The following CGNL1 variants were observed in gnomAD, a reference collection of about 807,000 sequenced individuals.
The protein encoded by CGNL1 is cingulin-like protein 1.
Under a neutral mutation model 141.2 loss-of-function variants are expected in CGNL1, and 132 were observed. The ratio of observed to expected loss-of-function variants is 0.93; its 90% CI spans 0.81 to 1.08. The LOEUF is 1.08. Ranked by LOEUF, CGNL1 falls within the 50% of genes least tolerant of loss-of-function variation. The pLI is 0.00. For missense variants in CGNL1, 1,870 were observed against 1,588.6 expected (o/e 1.18, Z -3.01); for synonymous variants, 690 against 622.1 (o/e 1.11, Z -1.63).
At chr15:57,497,710 G>T (rs1424408416) in intron 8 of CGNL1, among the ~76,000 whole-genome samples, 1 of 152,228 alleles carries the variant, frequency 6.6e-6, no homozygotes, top group African/African-American at 2.4e-5. Context: ...CAGGCCCTGC[G>T]GAATCTGGAA....
At chr15:57,465,130 C>T (rs1175741327) in intron 8 of CGNL1, among the ~76,000 whole-genome samples, 2 of 152,016 alleles carry the variant, frequency 1.3e-5, no homozygotes, top group Non-Finnish European at 1.5e-5. Context: ...GGCTGCTTAA[C>T]AAATGTGATA....
intron 8 of CGNL1, among the ~76,000 whole-genome samples, chr15:57,480,183 C>T (rs760651030): frequency 7.0e-5 from 10 of 143,356 alleles, no homozygotes; most frequent in East Asian, 2.2e-4. Flanking sequence ...TTTTATACCT[C>T]TTATTTCTAG....
At position 57,438,504 on chromosome 15, in the gene CGNL1, C is replaced by T; in HGVS notation, c.505C>T (p.Pro169Ser). 1.2e-6 allele frequency: 2 copies of T among 1,614,136 alleles called. No individual in the cohort carries two copies. The highest frequency in any genetic ancestry group is 1.6e-4 in the Middle Eastern group (1 of 6,062). Reference protein sequence around the residue: ...KNELNLQNHQPSESNWLKTLT... With the variant: ...KNELNLQNHQSSESNWLKTLT... Reference sequence around the variant, plus strand: ...TGAGTTGAATTTACAAAATCACCAGCCTTCTGAGAGTAATTGGCTAAAAAC... The same window carrying T: ...TGAGTTGAATTTACAAAATCACCAGTCTTCTGAGAGTAATTGGCTAAAAAC... The change falls in exon 2 of 19, where the codon CCT becomes TCT. Residue 169 changes from proline to serine, a missense_variant. By Grantham distance (74) the Pro-to-Ser change is moderately conservative. Coordinates refer to ENST00000281282, the MANE Select transcript of CGNL1 (RefSeq NM_032866.5).
chr15:57,433,472 C>A (rs1427116239), intron 1 of CGNL1, among the ~76,000 whole-genome samples: 1 of 152,182 alleles, frequency 6.6e-6, no homozygotes, highest in Non-Finnish European at 1.5e-5. Flanking sequence ...CAGGGGTGAT[C>A]CCCGGGCTGG....
At chr15:57,424,888 A>G (rs2062956060) in intron 1 of CGNL1, among the ~76,000 whole-genome samples, 1 of 152,216 alleles carries the variant, frequency 6.6e-6, no homozygotes, top group Non-Finnish European at 1.5e-5. Context: ...TTTCAGCAAA[A>G]TGATCATCCT....
intron 1 of CGNL1, among the ~76,000 whole-genome samples, chr15:57,383,485 A>G (rs181279649): frequency 4.7e-4 from 72 of 151,916 alleles, no homozygotes; most frequent in African/African-American, 1.7e-3. Context: ...TTTTTAGTAG[A>G]GATGGGGTTT....
At position 57,543,747 on chromosome 15, in the gene CGNL1, T is replaced by C. The variant is rs1193327811; in HGVS notation, c.3343T>C (p.Leu1115=). Reference sequence around the variant, plus strand: ...TCAGGAGAGAGCTGCGAGACAAGACTTGGAGTGCGACAAGATTTCCCTGGA... The same window carrying C: ...TCAGGAGAGAGCTGCGAGACAAGACCTGGAGTGCGACAAGATTTCCCTGGA... ...LLQERAARQD[L]ECDKISLERQ... is the part of the protein sequence containing the mutation. Residue 1115 remains leucine (L), a synonymous_variant, in exon 15 of 19, where the codon TTG becomes CTG. Transcript: ENST00000281282. 1 of 1,614,054 alleles carries C rather than the reference T, an allele frequency of 6.2e-7. No homozygotes were observed. The highest frequency in any genetic ancestry group is 2.2e-5 in the East Asian group (1 of 44,878).
intron 1 of CGNL1, among the ~76,000 whole-genome samples, chr15:57,436,872 C>T (rs1235817283): frequency 6.6e-6 from 1 of 152,014 alleles, no homozygotes; most frequent in African/African-American, 2.4e-5. Context: ...AATGATTTAT[C>T]CTACCCAAAT....
At chr15:57,497,800 CG>C (rs1265033259) in intron 8 of CGNL1, among the ~76,000 whole-genome samples, 1 of 152,210 alleles carries the variant, frequency 6.6e-6, no homozygotes, top group Non-Finnish European at 1.5e-5. Context: ...CATGCACACA[CG>C]GGCGGCGGCC....
At chr15:57,451,294 A>G (rs2063318755) in intron 4 of CGNL1, among the ~76,000 whole-genome samples, 1 of 152,202 alleles carries the variant, frequency 6.6e-6, no homozygotes, top group Non-Finnish European at 1.5e-5. Context: ...AATAAAGTTC[A>G]CTGGAGTCCC....
chr15:57,448,072 C>T (rs372009332), intron 4 of CGNL1, among the ~76,000 whole-genome samples: 37 of 151,842 alleles, frequency 2.4e-4, no homozygotes, highest in Admixed American at 9.2e-4. Context: ...TTTGGGAGGC[C>T]GAGGTGGGAG....
intron 8 of CGNL1, among the ~76,000 whole-genome samples, chr15:57,464,725 CTTTCCTTCT>C (rs2063490068): frequency 2.1e-5 from 2 of 94,020 alleles, no homozygotes; most frequent in African/African-American, 4.4e-5. Flanking sequence ...CTTTCCTTTC[CTTTCCTTCT>C]TTCTTTCTTT....
chr15:57,388,128 A>G (rs2062503641), intron 1 of CGNL1, among the ~76,000 whole-genome samples: 1 of 152,150 alleles, frequency 6.6e-6, no homozygotes, highest in African/African-American at 2.4e-5. Context: ...GTGGGCAGAG[A>G]TTAAAGCATT....
chr15:57,407,615 G>A (rs774312321), intron 1 of CGNL1, among the ~76,000 whole-genome samples: 5 of 152,110 alleles, frequency 3.3e-5, no homozygotes, highest in East Asian at 1.9e-4. Context: ...TGAGGCTACC[G>A]TGAACTGTGA....
rs201657469 is a variant in CGNL1 at position 57,547,415 on chromosome 15, G to A, written c.3834G>A (p.Thr1278=). The A allele has an allele frequency of 2.0e-4, 315 of 1,614,186 alleles. No homozygotes were observed. Among genetic ancestry groups the A allele is most frequent in the Non-Finnish European group, 2.5e-4 (296 of 1,180,022 alleles). Residue 1278 remains threonine (T), a synonymous_variant, in exon 19 of 19, where the codon ACG becomes ACA. Transcript: ENST00000281282. ...DDMDDDDDLS[T]DGGSLYEAPV... ...TGGATGACGACGATGACCTCAGCAC[G>A]GATGGGGGAAGCCTCTATGAGGCGC...
intron 8 of CGNL1, among the ~76,000 whole-genome samples, chr15:57,502,056 G>A (rs1301229956): frequency 6.6e-6 from 1 of 152,216 alleles, no homozygotes; most frequent in Non-Finnish European, 1.5e-5. Context: ...GATGCTGATA[G>A]GCCCAACTTG....
chr15:57,479,763 A>C (rs1216458829), intron 8 of CGNL1, among the ~76,000 whole-genome samples: 3 of 152,186 alleles, frequency 2.0e-5, no homozygotes, highest in African/African-American at 7.2e-5. Flanking sequence ...AGTTTGAAGT[A>C]TGATGGGAAT....
chr15:57,398,986 A>G (rs2062631229), intron 1 of CGNL1, among the ~76,000 whole-genome samples: 1 of 152,256 alleles, frequency 6.6e-6, no homozygotes, highest in Admixed American at 6.5e-5. Flanking sequence ...GAGTTGGCAC[A>G]TAATTGTACA....
In CGNL1 at chr15:57,429,038, T is replaced by TAA. The variant is rs58040196; in HGVS notation, c.-15-8935_-15-8934dup. Reference sequence around the variant, plus strand: ...CTCCATCTCAAAACAACAACAGCAATAAAAAAAAAAAAAGTGCAGCTGCAC... The same window carrying TAA: ...CTCCATCTCAAAACAACAACAGCAATAAAAAAAAAAAAAAAGTGCAGCTGCAC... On this transcript the variant is annotated intron_variant, in intron 1 of 18. Coordinates refer to ENST00000281282, the MANE Select transcript of CGNL1 (RefSeq NM_032866.5). Among the ~76,000 whole-genome samples the TAA allele has an allele frequency of 7.3e-4, 103 of 141,978 alleles. 1 individual carries two copies. Among genetic ancestry groups the TAA allele is most frequent in the East Asian group, 5.2e-3 (26 of 4,980 alleles). 93.1% of individuals were successfully genotyped at this position (141,978 alleles called of 152,430 possible).
Sources: allele counts gnomAD v4.1 joint callset (sites outside exome capture counted in the v4.1 genomes callset), GRCh38; gene constraint gnomAD v4.1.1; transcripts MANE v1.5; gene names NCBI Gene and HGNC (gene_info 2026-07-23, HGNC 2026-07-21).